Variants in C1RL observed in about 807,000 individuals in gnomAD.
The protein encoded by C1RL is complement C1r subcomponent-like protein.
In C1RL, 27 loss-of-function variants were observed where a neutral mutation model predicts 27.9. That is an observed-to-expected ratio of 0.97 (90% CI 0.71 to 1.33). The LOEUF (loss-of-function observed/expected upper bound fraction) is 1.33, where lower values mean the gene tolerates loss of function less well. C1RL is among the 40% of genes most tolerant of loss of function. C1RL has a pLI of 0.00. For synonymous variants in C1RL, 248 were observed against 252.1 expected (o/e 0.98, Z 0.15); for missense variants, 563 against 623.9 (o/e 0.90, Z 1.04).
intron 3 of C1RL, among the ~76,000 whole-genome samples, chr12:7,101,285 T>C (rs1938619692): frequency 6.7e-6 from 1 of 149,018 alleles, no homozygotes; most frequent in Non-Finnish European, 1.5e-5. Context: ...CTTCCTCTCT[T>C]TCTCTCTTCT....
In C1RL at chr12:7,096,303, C is replaced by CCT; in HGVS notation, c.*87_*88insAG. 1 of 1,270,424 alleles carries CCT rather than the reference C, an allele frequency of 7.9e-7. No homozygotes were observed. 78.7% of individuals were successfully genotyped at this position (1,270,424 alleles called of 1,614,324 possible). ...CCTCCCCCAACCCCCCACCCCCAAC[C>CCT]CCTACCCCAGTGTTCAGTCCTCACT... On this transcript the variant is annotated 3_prime_UTR_variant, in exon 6 of 6. Coordinates refer to ENST00000266542, the MANE Select transcript of C1RL (RefSeq NM_016546.4).
rs766806383 is a variant in C1RL at position 7,095,275 on chromosome 12, C to A, written c.*1116G>T. On this transcript the variant is annotated 3_prime_UTR_variant, in exon 6 of 6. Transcript: ENST00000266542. ...GGACTACAGGCACGTGTCACCACGC[C>A]CGGCTAATTTTTGTATTTTTAGTAG... 36 of 770,068 alleles carry A rather than the reference C, an allele frequency of 4.7e-5. No homozygotes were observed. The highest frequency in any genetic ancestry group is 6.0e-5 in the Non-Finnish European group (36 of 597,936). The allele number at this position is 770,068 out of a possible 1,614,324, so 47.7% of individuals were successfully genotyped here. A position where few individuals can be genotyped will look rare whatever the true frequency, so the allele number is the denominator to read the frequency against.
chr12:7,103,844 A>G (rs1191385636), intron 2 of C1RL, among the ~76,000 whole-genome samples: 1 of 152,234 alleles, frequency 6.6e-6, no homozygotes, highest in Non-Finnish European at 1.5e-5. Flanking sequence ...CCAGGATTAA[A>G]AATCTCCATG....
chr12:7,102,101 G>T lies in C1RL; in HGVS notation c.301-14C>A, dbSNP rs1359979863. The T allele has an allele frequency of 6.3e-7, 1 of 1,598,932 alleles. No individual in the cohort carries two copies. The highest frequency in any genetic ancestry group is 1.1e-5 in the South Asian group (1 of 90,522). ...GACGAATGAGATCTGAAAGCGGGAGGAGGAGTGAGGCTGCAGATAGGTGTG... is the reference window on the plus strand; with the variant it reads ...GACGAATGAGATCTGAAAGCGGGAGTAGGAGTGAGGCTGCAGATAGGTGTG... On this transcript the variant is annotated splice_polypyrimidine_tract_variant and intron_variant, in intron 2 of 5. Transcript: ENST00000266542.
In C1RL at chr12:7,096,944, C is replaced by T. The variant is rs767914609; in HGVS notation, c.911G>A (p.Gly304Asp). 11 of 1,612,010 alleles carry T rather than the reference C, an allele frequency of 6.8e-6. No individual in the cohort carries two copies. The highest frequency in any genetic ancestry group is 2.2e-5 in the South Asian group (2 of 90,768). ...RKNQSVNVFL[G>D]HTAIDEMLKL... ...CAGCATCTCATCTATGGCTGTGTGG[C>T]CCAAGAACACATTCACACTCTGGTT... The change falls in exon 6 of 6, where the codon GGC (glycine) becomes GAC (aspartate). Residue 304 changes from glycine to aspartate, a missense_variant. Physicochemically the swap from Gly to Asp is moderately conservative, Grantham distance 94. Transcript: ENST00000266542.
Position 7,095,733 on chromosome 12 carries a change from C to G in C1RL, c.*658G>C. 1 of 862,332 alleles carries G rather than the reference C, an allele frequency of 1.2e-6. No homozygotes were observed. Among genetic ancestry groups the G allele is most frequent in the Non-Finnish European group, 1.4e-6 (1 of 717,794 alleles). The allele number at this position is 862,332 out of a possible 1,614,324, so 53.4% of individuals were successfully genotyped here. On this transcript the variant is annotated 3_prime_UTR_variant, in exon 6 of 6. Coordinates refer to ENST00000266542, the MANE Select transcript of C1RL (RefSeq NM_016546.4). ...CACAGTCTCTGCAGTCACACACCAGCTGTGGGACTTGGGCAAGTCCCTTTA... is the reference window on the plus strand; with the variant it reads ...CACAGTCTCTGCAGTCACACACCAGGTGTGGGACTTGGGCAAGTCCCTTTA...
intron 1 of C1RL, 57 bp downstream of exon 1, chr12:7,109,053 A>T: frequency 8.1e-7 from 1 of 1,232,398 alleles, no homozygotes; most frequent in Non-Finnish European, 1.1e-6. Flanking sequence ...GCGGCCACCC[A>T]CCCTTTCTCT....
rs1396459557 is a variant in C1RL at position 7,097,039 on chromosome 12, C to T, written c.816G>A (p.Leu272=). The part of the protein sequence containing the change: ...TSIHGRGGGA[L]LGDRWILTAA... ...CAGTGAGGATCCATCTGTCCCCCAG[C>T]AGGGCCCCGCCCCCACGGCCGTGGA... Residue 272 remains leucine, a synonymous_variant, in exon 6 of 6, where the codon CTG becomes CTA. Coordinates refer to ENST00000266542, the MANE Select transcript of C1RL (RefSeq NM_016546.4). 8 of 1,614,062 alleles carry T rather than the reference C, an allele frequency of 5.0e-6. No homozygotes were observed. The highest frequency in any genetic ancestry group is 5.9e-6 in the Non-Finnish European group (7 of 1,180,034).
Position 7,096,307 on chromosome 12 carries a change from A to AAC in C1RL, c.*83_*84insGT. On this transcript the variant is annotated 3_prime_UTR_variant, in exon 6 of 6. Transcript: ENST00000266542. ...CCCCAACCCCCCACCCCCAACCCCT[A>AAC]CCCCAGTGTTCAGTCCTCACTCCAG... 1 of 661,572 alleles carries AAC rather than the reference A, an allele frequency of 1.5e-6. No individual in the cohort carries two copies. Among genetic ancestry groups the AAC allele is most frequent in the Non-Finnish European group, 1.8e-6 (1 of 569,302 alleles). 41.0% of individuals were successfully genotyped at this position (661,572 alleles called of 1,614,324 possible).
In C1RL at chr12:7,095,871, C is replaced by T; in HGVS notation, c.*520G>A. ...GGTGAAGCACCTGGCATATAGAGGA[C>T]ATAAAATAAAAAAGGAGCTGTTTCT... On this transcript the variant is annotated 3_prime_UTR_variant, in exon 6 of 6. Coordinates refer to ENST00000266542, the MANE Select transcript of C1RL (RefSeq NM_016546.4). 1 of 948,110 alleles carries T rather than the reference C, an allele frequency of 1.1e-6. No homozygotes were observed. Among genetic ancestry groups the T allele is most frequent in the Non-Finnish European group, 1.3e-6 (1 of 795,972 alleles). The allele number at this position is 948,110 out of a possible 1,614,324, so 58.7% of individuals were successfully genotyped here.
chr12:7,101,090 C>T (rs1938604536), intron 3 of C1RL, among the ~76,000 whole-genome samples: 1 of 113,644 alleles, frequency 8.8e-6, no homozygotes, highest in East Asian at 2.7e-4. Flanking sequence ...TCCTTCCTTC[C>T]CTCCTTCCCT....
At chr12:7,105,931 C>A in intron 2 of C1RL, among the ~76,000 whole-genome samples, 1 of 151,924 alleles carries the variant, frequency 6.6e-6, no homozygotes, top group African/African-American at 2.4e-5. Context: ...GATAACAAAG[C>A]TAGAGAATCA....
chr12:7,096,997 G>A lies in C1RL; in HGVS notation c.858C>T (p.Tyr286=). 6.2e-7 allele frequency: 1 copy of A among 1,614,188 alleles called. No individual in the cohort carries two copies. The highest frequency in any genetic ancestry group is 8.5e-7 in the Non-Finnish European group (1 of 1,180,016). The change falls in exon 6 of 6, where the codon TAC becomes TAT. Residue 286 remains tyrosine, a synonymous_variant. Coordinates refer to ENST00000266542, the MANE Select transcript of C1RL (RefSeq NM_016546.4). ...TCCTGAGAGAAACACTGTCCTTGGG[G>A]TAGATGGTGTGGGCAGCAGTGAGGA... ...RWILTAAHTI[Y]PKDSVSLRKN... is the part of the protein sequence containing the mutation.
At chr12:7,101,720 G>A in intron 3 of C1RL, 178 bp downstream of exon 3, 1 of 637,326 alleles carries the variant, frequency 1.6e-6, no homozygotes, top group Non-Finnish European at 2.8e-6. Context: ...TGGGGGCTCA[G>A]CTACGGCTGT....
intron 5 of C1RL, chr12:7,099,293 AT>A (rs762669809): frequency 5.7e-4 from 97 of 170,662 alleles, no homozygotes; most frequent in Non-Finnish European, 1.0e-3. Context: ...TATCTCAATA[AT>A]TTTTTTTAAA....
At chr12:7,103,487 AAG>A (rs1266828277) in intron 2 of C1RL, among the ~76,000 whole-genome samples, 15 of 152,238 alleles carry the variant, frequency 9.9e-5, no homozygotes, top group Non-Finnish European at 1.9e-4. Flanking sequence ...AGTCTGCACT[AAG>A]AGCAGTGGTG....
At chr12:7,099,526 C>A (rs2135755385) in intron 5 of C1RL, 160 bp downstream of exon 5, 1 of 957,492 alleles carries the variant, frequency 1.0e-6, no homozygotes, top group African/African-American at 1.8e-5. Flanking sequence ...AAGCTCCCTG[C>A]CTGTTCTTTT....
At chr12:7,099,293 A>C (rs1049058288) in intron 5 of C1RL, 2 of 170,604 alleles carry the variant, frequency 1.2e-5, no homozygotes, top group Middle Eastern at 2.8e-3. Flanking sequence ...TATCTCAATA[A>C]TTTTTTTTAA....
chr12:7,103,222 C>T (rs1039261798), intron 2 of C1RL, among the ~76,000 whole-genome samples: 1 of 152,238 alleles, frequency 6.6e-6, no homozygotes, highest in Non-Finnish European at 1.5e-5. Context: ...TGCTCAACTG[C>T]TCTACTTGGT....
Sources: gnomAD v4.1 joint callset for allele counts (sites outside exome capture counted in the v4.1 genomes callset) on GRCh38, gnomAD v4.1.1 for gene constraint, MANE v1.5 for transcripts, NCBI Gene and HGNC (gene_info 2026-07-23, HGNC 2026-07-21) for gene names.